EIF4E: variants seen among roughly 807,000 people sequenced by gnomAD.
The protein encoded by EIF4E is eIF-4F 25 kDa subunit.
For synonymous variants in EIF4E, 71 were observed against 88.5 expected (o/e 0.80, Z 1.11); for missense variants, 113 against 265.6 (o/e 0.43, Z 3.99).
chr4:98,891,582 T>A, intron 2 of EIF4E: 1 of 487,658 alleles, frequency 2.1e-6, no homozygotes, highest in Non-Finnish European at 3.6e-6. Context: ...ACAAATACTG[T>A]ATGATTCCAC....
At chr4:98,924,621 T>C (rs975383859) in intron 1 of EIF4E, among the ~76,000 whole-genome samples, 9 of 151,750 alleles carry the variant, frequency 5.9e-5, no homozygotes, top group African/African-American at 2.2e-4. Context: ...TTTGATGGAG[T>C]CTTGCTCTGT....
At chr4:98,892,500 G>A (rs1219292702) in intron 2 of EIF4E, among the ~76,000 whole-genome samples, 1 of 151,636 alleles carries the variant, frequency 6.6e-6, no homozygotes, top group Non-Finnish European at 1.5e-5. Flanking sequence ...CCAACATGGT[G>A]AAACCTGGTT....
intron 6 of EIF4E, among the ~76,000 whole-genome samples, chr4:98,881,819 G>C (rs1459189155): frequency 6.6e-6 from 1 of 152,134 alleles, no homozygotes; most frequent in Non-Finnish European, 1.5e-5. Context: ...TGACTCTATT[G>C]CAAGAATAAA....
chr4:98,925,187 A>G (rs572552916), intron 1 of EIF4E, among the ~76,000 whole-genome samples: 1 of 152,362 alleles, frequency 6.6e-6, no homozygotes, highest in South Asian at 2.1e-4. Flanking sequence ...GTCCAAGTTG[A>G]TTCACTTATG....
At chr4:98,910,513 CTGTT>C (rs1005432704) in intron 1 of EIF4E, among the ~76,000 whole-genome samples, 2 of 152,130 alleles carry the variant, frequency 1.3e-5, no homozygotes, top group African/African-American at 2.4e-5. Context: ...AATTCAATAG[CTGTT>C]TATTTAAATA....
At chr4:98,896,984 T>C (rs1361756581) in intron 2 of EIF4E, among the ~76,000 whole-genome samples, 1 of 152,170 alleles carries the variant, frequency 6.6e-6, no homozygotes, top group Non-Finnish European at 1.5e-5. Context: ...TTTTTAGTTT[T>C]GGAAAATTTG....
intron 1 of EIF4E, among the ~76,000 whole-genome samples, chr4:98,922,908 G>A (rs1389862366): frequency 3.3e-5 from 5 of 150,022 alleles, no homozygotes; most frequent in Non-Finnish European, 7.4e-5. Flanking sequence ...GAGTGCGATG[G>A]CAGACATAGG....
intron 1 of EIF4E, among the ~76,000 whole-genome samples, chr4:98,925,347 A>G (rs764228131): frequency 2.0e-5 from 3 of 152,244 alleles, no homozygotes; most frequent in Non-Finnish European, 2.9e-5. Context: ...CTAATAATGA[A>G]CGATGTAGAA....
chr4:98,895,465 G>A (rs912457321), intron 2 of EIF4E: 21 of 152,158 alleles, frequency 1.4e-4, no homozygotes, highest in African/African-American at 5.1e-4. Context: ...GGCAGTCAAA[G>A]GGAAATTTCA....
At chr4:98,924,001 T>A (rs1725765266) in intron 1 of EIF4E, among the ~76,000 whole-genome samples, 1 of 152,142 alleles carries the variant, frequency 6.6e-6, no homozygotes, top group African/African-American at 2.4e-5. Flanking sequence ...CCATGCTCAT[T>A]TCCACTTCTC....
intron 1 of EIF4E, among the ~76,000 whole-genome samples, chr4:98,915,689 C>T (rs1028490564): frequency 4.6e-5 from 7 of 151,592 alleles, no homozygotes; most frequent in Admixed American, 6.6e-5. Flanking sequence ...TATAGGTACC[C>T]GCCACCATGC....
chr4:98,908,058 C>T (rs1321435360), intron 1 of EIF4E, among the ~76,000 whole-genome samples: 1 of 151,982 alleles, frequency 6.6e-6, no homozygotes. Context: ...CATTCATATC[C>T]CAGTAATATC....
chr4:98,927,688 T>TAAAAAAAAA, intron 1 of EIF4E, among the ~76,000 whole-genome samples: 1 of 82,022 alleles, frequency 1.2e-5, no homozygotes, highest in Non-Finnish European at 2.5e-5. Context: ...AAAAAAAAAG[T>TAAAAAAAAA]CTTTAAAAGT....
chr4:98,922,855 T>C (rs1220981653), intron 1 of EIF4E, among the ~76,000 whole-genome samples: 1 of 150,476 alleles, frequency 6.6e-6, no homozygotes, highest in Non-Finnish European at 1.5e-5. Context: ...TTTTTCTTTT[T>C]TTTTTTTTTT....
At chr4:98,917,936 C>T (rs866415829) in intron 1 of EIF4E, among the ~76,000 whole-genome samples, 1 of 151,038 alleles carries the variant, frequency 6.6e-6, no homozygotes, top group South Asian at 2.1e-4. Context: ...ATTAGCCGGG[C>T]GTGGTGGCGC....
At chr4:98,894,095 A>AC (rs1460415417) in intron 2 of EIF4E, among the ~76,000 whole-genome samples, 4 of 152,244 alleles carry the variant, frequency 2.6e-5, no homozygotes, top group Non-Finnish European at 5.9e-5. Context: ...GTAGGTTTCA[A>AC]CAGTAGGCTT....
At chr4:98,883,232 A>T (rs577719186) in intron 6 of EIF4E, among the ~76,000 whole-genome samples, 1 of 152,224 alleles carries the variant, frequency 6.6e-6, no homozygotes, top group South Asian at 2.1e-4. Context: ...ACATCGCGCT[A>T]CTGCACCCCA....
chr4:98,896,505 A>C (rs527612630), intron 2 of EIF4E, among the ~76,000 whole-genome samples: 1 of 148,768 alleles, frequency 6.7e-6, no homozygotes, highest in East Asian at 2.0e-4. Context: ...AAAAAAAAAA[A>C]AAAAACACCT....
chr4:98,919,253 C>T (rs749657180), intron 1 of EIF4E, among the ~76,000 whole-genome samples: 7 of 150,752 alleles, frequency 4.6e-5, no homozygotes, highest in Non-Finnish European at 7.4e-5. Context: ...TGCAGTGACC[C>T]GAGATCGTGC....
Sources: allele counts gnomAD v4.1 joint callset (sites outside exome capture counted in the v4.1 genomes callset), GRCh38; gene constraint gnomAD v4.1.1; transcripts MANE v1.5; gene names NCBI Gene and HGNC (gene_info 2026-07-23, HGNC 2026-07-21).